The following RHOBTB1 variants were observed in gnomAD, a reference collection of about 807,000 sequenced individuals.
The protein encoded by RHOBTB1 is rho-related BTB domain-containing protein 1.
Under a neutral mutation model 71.6 loss-of-function variants are expected in RHOBTB1, and 40 were observed. That is an observed-to-expected ratio of 0.56 (90% CI 0.43 to 0.73). The LOEUF (loss-of-function observed/expected upper bound fraction) is 0.73, where lower values mean the gene tolerates loss of function less well. Ranked by LOEUF, RHOBTB1 falls within the 30% of genes least tolerant of loss-of-function variation. The pLI, the probability that RHOBTB1 is intolerant of heterozygous loss-of-function variation, is 0.00. For missense variants in RHOBTB1, 797 were observed against 894.0 expected (o/e 0.89, Z 1.38); for synonymous variants, 319 against 334.9 (o/e 0.95, Z 0.52).
intron 2 of RHOBTB1, among the ~76,000 whole-genome samples, chr10:60,921,767 C>T (rs1376806178): frequency 6.6e-6 from 1 of 152,206 alleles, no homozygotes; most frequent in Non-Finnish European, 1.5e-5. Context: ...AGCCCTGTGG[C>T]CTTGAAAGCA....
intron 2 of RHOBTB1, among the ~76,000 whole-genome samples, chr10:60,976,498 G>T (rs550814130): frequency 7.7e-4 from 117 of 151,888 alleles, no homozygotes; most frequent in African/African-American, 2.7e-3. Flanking sequence ...GCCCCGTCTT[G>T]TTCCTTTTAT....
At chr10:60,968,101 T>C (rs2086032687) in intron 2 of RHOBTB1, among the ~76,000 whole-genome samples, 1 of 152,110 alleles carries the variant, frequency 6.6e-6, no homozygotes, top group Non-Finnish European at 1.5e-5. Flanking sequence ...CTTGTTTTCT[T>C]CAGTGCCCCA....
chr10:60,870,963 T>G lies in RHOBTB1; in HGVS notation c.*519A>C, dbSNP rs1346107621. Reference sequence around the variant, plus strand: ...TCTCCAATTTGCACTTTGGGAGATTTCAGTCCCCTCCTTCCTTTCACAACA... The same window carrying G: ...TCTCCAATTTGCACTTTGGGAGATTGCAGTCCCCTCCTTCCTTTCACAACA... On this transcript the variant is annotated 3_prime_UTR_variant, in exon 11 of 11. Coordinates refer to ENST00000337910, the MANE Select transcript of RHOBTB1 (RefSeq NM_014836.5). 6.5e-6 allele frequency: 1 copy of G among 152,686 alleles called. No individual in the cohort carries two copies. Among genetic ancestry groups the G allele is most frequent in the Non-Finnish European group, 1.5e-5 (1 of 68,086 alleles). The allele number at this position is 152,686 out of a possible 1,614,324, so 9.5% of individuals were successfully genotyped here.
At chr10:60,893,062 T>A (rs920094291) in intron 4 of RHOBTB1, 67 bp from the exon 5 acceptor site, 1 of 1,248,314 alleles carries the variant, frequency 8.0e-7, no homozygotes, top group African/African-American at 1.5e-5. Flanking sequence ...CCATTATGGT[T>A]CCTCTCAAAC....
At chr10:60,863,916 C>T in the RHOBTB1 span, among the ~76,000 whole-genome samples, 1 of 151,688 alleles carries the variant, frequency 6.6e-6, no homozygotes, top group East Asian at 1.9e-4. Context: ...ATTGGAGACT[C>T]CCATTGCAGG....
intron 4 of RHOBTB1, among the ~76,000 whole-genome samples, chr10:60,895,667 G>T (rs536107437): frequency 6.6e-6 from 1 of 152,378 alleles, no homozygotes; most frequent in African/African-American, 2.4e-5. Flanking sequence ...GCCTCCCAAA[G>T]TGCTGGGATT....
intron 2 of RHOBTB1, among the ~76,000 whole-genome samples, chr10:60,985,048 C>G (rs760895478): frequency 6.6e-6 from 1 of 152,148 alleles, no homozygotes; most frequent in African/African-American, 2.4e-5. Flanking sequence ...ATCTATAATT[C>G]AGCTTTCCCA....
the RHOBTB1 span, among the ~76,000 whole-genome samples, chr10:60,861,221 C>T: frequency 1.3e-5 from 2 of 152,164 alleles, no homozygotes; most frequent in African/African-American, 2.4e-5. Context: ...TCTGTTTGAA[C>T]CTCAGTAAGA....
At position 60,871,456 on chromosome 10, in the gene RHOBTB1, G is replaced by A; in HGVS notation, c.*26C>T. On this transcript the variant is annotated 3_prime_UTR_variant, in exon 11 of 11. Coordinates refer to ENST00000337910, the MANE Select transcript of RHOBTB1 (RefSeq NM_014836.5). ...TGGATCAGATTACCGATTGGTTTCT[G>A]TTTTTTGTTTTTTTTCTCTTCCTCT... 6.2e-7 allele frequency: 1 copy of A among 1,607,900 alleles called. No individual in the cohort carries two copies. Among genetic ancestry groups the A allele is most frequent in the Non-Finnish European group, 8.5e-7 (1 of 1,177,212 alleles).
intron 6 of RHOBTB1, 66 bp from the exon 7 acceptor site, chr10:60,886,296 G>T: frequency 8.8e-7 from 1 of 1,141,534 alleles, no homozygotes; most frequent in Non-Finnish European, 1.3e-6. Context: ...CAAGGCTTCT[G>T]CTCCCATAGC....
At chr10:60,874,304 G>C (rs1256577501) in intron 9 of RHOBTB1, among the ~76,000 whole-genome samples, 1 of 152,216 alleles carries the variant, frequency 6.6e-6, no homozygotes, top group Non-Finnish European at 1.5e-5. Flanking sequence ...ACACTCTTCA[G>C]TGCTCGCTCT....
At chr10:60,942,405 C>G (rs939083348) in intron 1 of RHOBTB1, among the ~76,000 whole-genome samples, 2 of 152,192 alleles carry the variant, frequency 1.3e-5, no homozygotes, top group Non-Finnish European at 2.9e-5. Context: ...ACACTATCTT[C>G]AAACTCTGGG....
At chr10:60,932,494 C>T (rs2084314266) in intron 2 of RHOBTB1, among the ~76,000 whole-genome samples, 1 of 116,754 alleles carries the variant, frequency 8.6e-6, no homozygotes, top group Non-Finnish European at 1.7e-5. Flanking sequence ...ATGTGTTATA[C>T]TTCAATACTT....
chr10:60,911,113 G>C (rs989419213), intron 3 of RHOBTB1, 123 bp from the exon 4 acceptor site: 8 of 817,048 alleles, frequency 9.8e-6, no homozygotes, highest in African/African-American at 1.7e-5. Flanking sequence ...TATTCTATCT[G>C]ACGGGATTTA....
downstream of RHOBTB1, among the ~76,000 whole-genome samples, chr10:60,868,341 T>TA (rs1330683038): frequency 6.6e-6 from 1 of 152,110 alleles, no homozygotes; most frequent in South Asian, 2.1e-4. Context: ...CTGTGCCAAT[T>TA]AAAAAAAATC....
At chr10:60,918,692 G>A (rs142429110) in intron 2 of RHOBTB1, among the ~76,000 whole-genome samples, 1 of 151,988 alleles carries the variant, frequency 6.6e-6, no homozygotes, top group East Asian at 1.9e-4. Context: ...GGAATATGCT[G>A]CATCTTATCA....
chr10:60,925,342 T>C (rs1003977646), intron 2 of RHOBTB1, among the ~76,000 whole-genome samples: 7 of 152,266 alleles, frequency 4.6e-5, no homozygotes, highest in Non-Finnish European at 8.8e-5. Context: ...TGTTGAGTCA[T>C]TGAAGAAAGT....
intron 6 of RHOBTB1, among the ~76,000 whole-genome samples, chr10:60,887,486 C>CA (rs1194590658): frequency 6.6e-6 from 1 of 152,236 alleles, no homozygotes; most frequent in Non-Finnish European, 1.5e-5. Flanking sequence ...TAAGACAGTA[C>CA]AAGCATGGGT....
At chr10:60,896,283 CTCTGT>C (rs1360160844) in intron 4 of RHOBTB1, among the ~76,000 whole-genome samples, 2 of 152,194 alleles carry the variant, frequency 1.3e-5, no homozygotes, top group Admixed American at 1.3e-4. Context: ...ATTTCTATGG[CTCTGT>C]TACATTTTTT....
Sources: gnomAD v4.1 joint callset for allele counts (sites outside exome capture counted in the v4.1 genomes callset) on GRCh38, gnomAD v4.1.1 for gene constraint, MANE v1.5 for transcripts, NCBI Gene and HGNC (gene_info 2026-07-23, HGNC 2026-07-21) for gene names.